The following FSD2 variants were observed in gnomAD, a reference collection of about 807,000 sequenced individuals.
FSD2 encodes fibronectin type III and SPRY domain containing 2, also known as fibronectin type III and SPRY domain-containing protein 2.
A neutral mutation model predicts 80.4 loss-of-function variants in FSD2; 71 were observed. That is an observed-to-expected ratio of 0.88 (90% CI 0.73 to 1.08). The LOEUF (loss-of-function observed/expected upper bound fraction) is 1.08. Ranked by LOEUF, FSD2 falls within the 50% of genes least tolerant of loss-of-function variation. FSD2 has a pLI of 0.00. For synonymous variants in FSD2, 361 were observed against 329.5 expected (o/e 1.10, Z -1.03); for missense variants, 923 against 913.8 (o/e 1.01, Z -0.13).
intron 12 of FSD2, among the ~76,000 whole-genome samples, chr15:82,761,297 A>T (rs2049290830): frequency 6.6e-6 from 1 of 152,204 alleles, no homozygotes; most frequent in Admixed American, 6.5e-5. Flanking sequence ...GGAAGGTTGT[A>T]ACCATGGCCT....
rs1260340950 is a variant in FSD2, at chr15:82,786,744, C to G, written c.639+8G>C. 5 of 1,612,172 alleles carry G rather than the reference C, an allele frequency of 3.1e-6. No homozygotes were observed. Among genetic ancestry groups the G allele is most frequent in the Non-Finnish European group, 4.2e-6 (5 of 1,178,860 alleles). On this transcript the variant is annotated splice_region_variant and intron_variant, in intron 2 of 12. Transcript: ENST00000334574. ...CAAGACAGAGAAGAACCAAGGACAC[C>G]TATTTACCTTGGCACTTTCCAGTGC...
At chr15:82,765,570 C>A (rs2049396740) in intron 10 of FSD2, among the ~76,000 whole-genome samples, 1 of 152,156 alleles carries the variant, frequency 6.6e-6, no homozygotes, top group African/African-American at 2.4e-5. Context: ...GTTAAGAAAT[C>A]AGCTGGCAAA....
At chr15:82,800,941 A>G (rs1052937264) in intron 1 of FSD2, among the ~76,000 whole-genome samples, 2 of 152,104 alleles carry the variant, frequency 1.3e-5, no homozygotes, top group Non-Finnish European at 1.5e-5. Context: ...TGCTACATAT[A>G]ATATATGAAG....
chr15:82,778,968 TA>T (rs746034994), intron 5 of FSD2, 81 bp from the exon 6 acceptor site: 329 of 1,485,518 alleles, frequency 2.2e-4, no homozygotes, highest in Non-Finnish European at 2.9e-4. Context: ...GTCACTGTCA[TA>T]AATGAAGAGG....
intron 1 of FSD2, among the ~76,000 whole-genome samples, chr15:82,795,613 T>G (rs565306918): frequency 2.1e-4 from 32 of 152,262 alleles, no homozygotes; most frequent in African/African-American, 7.2e-4. Flanking sequence ...GCAGATCATT[T>G]GAGCTCAGGA....
At position 82,759,440 on chromosome 15, in the gene FSD2, C is replaced by G; in HGVS notation, c.2158G>C (p.Glu720Gln). The change falls in exon 13 of 13, where the codon GAA becomes CAA. Residue 720 changes from glutamate to glutamine, a missense_variant. Physicochemically the swap from Glu to Gln is conservative, Grantham distance 29. Coordinates refer to ENST00000334574, the MANE Select transcript of FSD2 (RefSeq NM_001007122.4). ...HLYTFSCQLH[E>Q]FVHPCFSLEK... Reference sequence around the variant, plus strand: ...AAAGAAAAACAGGGATGCACAAATTCGTGAAGCTGACAACTAAATGTATAT... The same window carrying G: ...AAAGAAAAACAGGGATGCACAAATTGGTGAAGCTGACAACTAAATGTATAT... 2 of 1,613,322 alleles carry G rather than the reference C, an allele frequency of 1.2e-6. No homozygotes were observed. The highest frequency in any genetic ancestry group is 1.7e-6 in the Non-Finnish European group (2 of 1,179,568).
rs974721220 is a variant in FSD2 at position 82,764,944 on chromosome 15, T to G, written c.1820+222A>C. Among the ~76,000 whole-genome samples the G allele has an allele frequency of 5.9e-5, 9 of 152,082 alleles. No homozygotes were observed. The East Asian group carries it at 1.8e-3, about 30-fold the overall frequency. On this transcript the variant is annotated intron_variant, in intron 11 of 12. Transcript: ENST00000334574. ...TGCCCTCCCAGGGGACCGCGCCCTC[T>G]CCTGACCTCACCGTCCCAGGGGGCT...
chr15:82,772,766 A>T (rs931373554), intron 6 of FSD2, among the ~76,000 whole-genome samples: 1 of 152,178 alleles, frequency 6.6e-6, no homozygotes, highest in Non-Finnish European at 1.5e-5. Flanking sequence ...CTGTAGGTGA[A>T]TACTTCTATC....
intron 1 of FSD2, among the ~76,000 whole-genome samples, chr15:82,789,188 A>T (rs1233382761): frequency 6.6e-6 from 1 of 152,086 alleles, no homozygotes; most frequent in Non-Finnish European, 1.5e-5. Flanking sequence ...AAACTCGGGG[A>T]TGTACACTAC....
chr15:82,772,686 G>A (rs992460263), intron 6 of FSD2, among the ~76,000 whole-genome samples: 5 of 152,172 alleles, frequency 3.3e-5, no homozygotes, highest in African/African-American at 1.2e-4. Context: ...GAGAAGATTG[G>A]GGTGGCCCAA....
chr15:82,792,066 G>A, intron 1 of FSD2, among the ~76,000 whole-genome samples: 1 of 152,188 alleles, frequency 6.6e-6, no homozygotes, highest in East Asian at 1.9e-4. Context: ...AGATGTTTTT[G>A]TACCAGTTTT....
chr15:82,802,728 C>T (rs942303690), intron 1 of FSD2, among the ~76,000 whole-genome samples: 2 of 152,150 alleles, frequency 1.3e-5, no homozygotes, highest in African/African-American at 4.8e-5. Context: ...AGCAGTTCCT[C>T]ATTTCTACTC....
chr15:82,789,802 G>A (rs1038302778), intron 1 of FSD2, among the ~76,000 whole-genome samples: 9 of 152,160 alleles, frequency 5.9e-5, no homozygotes, highest in Non-Finnish European at 8.8e-5. Flanking sequence ...CCCTCCTCTA[G>A]TTCCAATTAC....
At chr15:82,781,404 G>T (rs2049850950) in intron 4 of FSD2, among the ~76,000 whole-genome samples, 1 of 152,170 alleles carries the variant, frequency 6.6e-6, no homozygotes, top group African/African-American at 2.4e-5. Context: ...GCATGGTTGG[G>T]CTTTGAGGGG....
intron 7 of FSD2, among the ~76,000 whole-genome samples, chr15:82,771,474 C>A (rs1286982190): frequency 6.6e-6 from 1 of 152,190 alleles, no homozygotes; most frequent in Admixed American, 6.5e-5. Context: ...GTATGGGGGG[C>A]CCTACCCCAG....
intron 1 of FSD2, among the ~76,000 whole-genome samples, chr15:82,789,370 A>C (rs2050084202): frequency 6.6e-6 from 1 of 151,284 alleles, no homozygotes; most frequent in South Asian, 2.1e-4. Context: ...AATAATAATA[A>C]TAATAATAAT....
intron 1 of FSD2, among the ~76,000 whole-genome samples, chr15:82,793,156 C>A (rs2050188972): frequency 6.6e-6 from 1 of 152,000 alleles, no homozygotes; most frequent in Non-Finnish European, 1.5e-5. Flanking sequence ...AGTGCAGTGG[C>A]ACAATCTCGG....
intron 12 of FSD2, among the ~76,000 whole-genome samples, chr15:82,760,253 A>G (rs1053801255): frequency 2.6e-5 from 4 of 152,230 alleles, no homozygotes; most frequent in Non-Finnish European, 4.4e-5. Flanking sequence ...GTGATTTTCC[A>G]TGTGATAAAA....
At chr15:82,794,029 T>C (rs763817753) in intron 1 of FSD2, among the ~76,000 whole-genome samples, 1 of 152,082 alleles carries the variant, frequency 6.6e-6, no homozygotes, top group Non-Finnish European at 1.5e-5. Context: ...ATTTCCTTCC[T>C]CTGCTTGTTT....
Sources: gnomAD v4.1 joint callset for allele counts (sites outside exome capture counted in the v4.1 genomes callset) on GRCh38, gnomAD v4.1.1 for gene constraint, MANE v1.5 for transcripts, NCBI Gene and HGNC (gene_info 2026-07-23, HGNC 2026-07-21) for gene names.